The following PARP4 variants were observed in gnomAD, a reference collection of about 807,000 sequenced individuals.
PARP4 encodes protein mono-ADP-ribosyltransferase PARP4.
Under a neutral mutation model 187.7 loss-of-function variants are expected in PARP4, and 120 were observed. The observed-to-expected ratio is 0.64, with a 90% CI of 0.55 to 0.74. The LOEUF (loss-of-function observed/expected upper bound fraction) is 0.74. Among genes scored for constraint, PARP4 ranks in the 30% least tolerant of loss-of-function variants. The probability of loss-of-function intolerance (pLI) is 0.00; values close to 1 mark genes in which losing one functional copy is unlikely to be tolerated. For missense variants in PARP4, 1,836 were observed against 2,070.5 expected (o/e 0.89, Z 2.20); for synonymous variants, 654 against 740.9 (o/e 0.88, Z 1.90).
intron 10 of PARP4, among the ~76,000 whole-genome samples, chr13:24,486,827 C>A (rs567746208): frequency 1.3e-5 from 2 of 152,134 alleles, no homozygotes; most frequent in Admixed American, 1.3e-4. Flanking sequence ...TGGTGCACAC[C>A]TGTAGTCTCA....
At chr13:24,429,003 T>C (rs1234760710) in intron 32 of PARP4, among the ~76,000 whole-genome samples, 1 of 134,864 alleles carries the variant, frequency 7.4e-6, no homozygotes, top group Non-Finnish European at 1.7e-5. Flanking sequence ...TCTGTTCTTT[T>C]TTCATTCTAT....
intron 24 of PARP4, among the ~76,000 whole-genome samples, chr13:24,451,504 C>A (rs186124412): frequency 1.3e-3 from 196 of 150,984 alleles, no homozygotes; most frequent in African/African-American, 4.6e-3. Context: ...GGAGGGGCAT[C>A]GGGGCCACAG....
chr13:24,460,158 T>C, intron 17 of PARP4, 22 bp from the exon 18 acceptor site: 1 of 1,603,276 alleles, frequency 6.2e-7, no homozygotes, highest in South Asian at 1.1e-5. Context: ...ACATATGACT[T>C]AGCTTCCAAC....
chr13:24,505,664 G>C (rs1020665284), intron 1 of PARP4, among the ~76,000 whole-genome samples: 2 of 152,184 alleles, frequency 1.3e-5, no homozygotes, highest in Admixed American at 6.5e-5. Flanking sequence ...GAGTAGCTGG[G>C]ATTACAGGCC....
At chr13:24,500,537 G>GT (rs1421729952) in intron 3 of PARP4, among the ~76,000 whole-genome samples, 155 bp from the exon 4 acceptor site, 2 of 152,182 alleles carry the variant, frequency 1.3e-5, no homozygotes, top group Non-Finnish European at 2.9e-5. Context: ...AAAGAGGAAG[G>GT]TATAACCTTA....
In PARP4 at chr13:24,469,945, G is replaced by T. The variant is rs61748822; in HGVS notation, c.1995C>A (p.Ala665=). 7 of 1,613,734 alleles carry T rather than the reference G, an allele frequency of 4.3e-6. No homozygotes were observed. The East Asian group carries it at 1.6e-4, about 36-fold the overall frequency. The change falls in exon 16 of 34, where the codon GCC becomes GCA. Residue 665 remains alanine, a synonymous_variant. Coordinates refer to ENST00000381989, the MANE Select transcript of PARP4 (RefSeq NM_006437.4). The stretch of plus-strand genomic sequence containing the variant: ...TGAAGGCTTCGAAGCCACACACAGC[G>T]GCCTTGTCATCCAAAGGAAAGATAT... The part of the protein sequence containing the change: ...AKYIFPLDDK[A]AVCGFEAFIN...
chr13:24,428,324 C>G (rs534893308), intron 32 of PARP4, among the ~76,000 whole-genome samples: 28 of 152,262 alleles, frequency 1.8e-4, no homozygotes, highest in African/African-American at 6.0e-4. Context: ...AACACTAAAC[C>G]CTGCTGTGCA....
At chr13:24,480,238 G>A (rs1459178268) in intron 12 of PARP4, among the ~76,000 whole-genome samples, 1 of 152,134 alleles carries the variant, frequency 6.6e-6, no homozygotes, top group African/African-American at 2.4e-5. Context: ...ACAAGGTGGT[G>A]GGCTTGGCAA....
chr13:24,467,370 A>C (rs1872527239), intron 17 of PARP4, among the ~76,000 whole-genome samples: 1 of 152,196 alleles, frequency 6.6e-6, no homozygotes, highest in South Asian at 2.1e-4. Flanking sequence ...TTGCCATGGG[A>C]AAATGAAGCC....
chr13:24,476,950 G>A (rs574621973), intron 14 of PARP4, among the ~76,000 whole-genome samples: 1 of 152,308 alleles, frequency 6.6e-6, no homozygotes, highest in African/African-American at 2.4e-5. Context: ...AAAAGGTCAT[G>A]CAGTTTCAAA....
intron 19 of PARP4, 25 bp downstream of exon 19, chr13:24,459,239 C>G (rs1288634532): frequency 1.3e-6 from 2 of 1,589,138 alleles, no homozygotes; most frequent in African/African-American, 2.7e-5. Context: ...ATTGAATTGA[C>G]AGGTTTTATA....
intron 33 of PARP4, among the ~76,000 whole-genome samples, chr13:24,425,524 T>C (rs1308781276): frequency 1.4e-5 from 2 of 145,778 alleles, no homozygotes; most frequent in South Asian, 2.2e-4. Flanking sequence ...TATATGTGTA[T>C]ATGTGTATGC....
In PARP4 at chr13:24,435,092, A is replaced by T. The variant is rs1870552097; in HGVS notation, c.4049T>A (p.Phe1350Tyr). 4 of 1,614,104 alleles carry T rather than the reference A, an allele frequency of 2.5e-6. No individual in the cohort carries two copies. The highest frequency in any genetic ancestry group is 3.4e-6 in the Non-Finnish European group (4 of 1,180,054). The change falls in exon 31 of 34, where the codon TTC becomes TAC. Residue 1350 changes from phenylalanine (F) to tyrosine (Y), a missense_variant. Transcript: ENST00000381989. ...CTGTCTGGGAGGAGCAGCTGAACCG[A>T]AACTAGCTACCTGACGATATGAGGC... ...SFASYRQVAS[F>Y]GSAAPPRQFD... is the part of the protein sequence containing the mutation.
intron 6 of PARP4, among the ~76,000 whole-genome samples, chr13:24,496,341 G>A (rs1363786394): frequency 6.6e-6 from 1 of 152,120 alleles, no homozygotes; most frequent in Admixed American, 6.5e-5. Context: ...TTCTAGCTCT[G>A]TTCCCATGGA....
In PARP4 at chr13:24,494,612, T is replaced by A; in HGVS notation, c.702A>T (p.Thr234=). ...KQGFLLREHF[T]PEATQLASEQ... is the part of the protein sequence containing the mutation. Reference sequence around the variant, plus strand: ...CAGATGCTAATTGGGTTGCTTCAGGTGTGAAATGTTCTCTTAGTAGAAATC... The same window carrying A: ...CAGATGCTAATTGGGTTGCTTCAGGAGTGAAATGTTCTCTTAGTAGAAATC... Residue 234 remains threonine, a synonymous_variant, in exon 7 of 34, where the codon ACA becomes ACT. Coordinates refer to ENST00000381989, the MANE Select transcript of PARP4 (RefSeq NM_006437.4). The A allele has an allele frequency of 1.9e-6, 3 of 1,611,912 alleles. No homozygotes were observed. Among genetic ancestry groups the A allele is most frequent in the Non-Finnish European group, 1.7e-6 (2 of 1,178,960 alleles).
At chr13:24,465,401 A>G (rs1236436200) in intron 17 of PARP4, among the ~76,000 whole-genome samples, 2 of 152,166 alleles carry the variant, frequency 1.3e-5, no homozygotes, top group Non-Finnish European at 2.9e-5. Flanking sequence ...ATGCCCATCA[A>G]TGATAGACTG....
At chr13:24,498,953 T>A (rs1032142899) in intron 5 of PARP4, among the ~76,000 whole-genome samples, 13 of 152,248 alleles carry the variant, frequency 8.5e-5, no homozygotes, top group African/African-American at 2.9e-4. Flanking sequence ...TTTTATAATA[T>A]AAACACTAAA....
At chr13:24,484,897 G>T in intron 11 of PARP4, 149 bp from the exon 12 acceptor site, 2 of 525,328 alleles carry the variant, frequency 3.8e-6, no homozygotes, top group Non-Finnish European at 3.4e-6. Context: ...GAAACACAAG[G>T]GAAATTTCTG....
At chr13:24,477,982 A>G in intron 13 of PARP4, 111 bp downstream of exon 13, 1 of 1,065,434 alleles carries the variant, frequency 9.4e-7, no homozygotes, top group Non-Finnish European at 1.3e-6. Flanking sequence ...TGCAGTAAAT[A>G]TATAACAATT....
Sources: allele counts gnomAD v4.1 joint callset (sites outside exome capture counted in the v4.1 genomes callset), GRCh38; gene constraint gnomAD v4.1.1; transcripts MANE v1.5; gene names NCBI Gene and HGNC (gene_info 2026-07-23, HGNC 2026-07-21).